ATP8A2: variants seen among roughly 807,000 people sequenced by gnomAD.
ATP8A2 encodes the protein ATPase phospholipid transporting 8A2.
A neutral mutation model predicts 165.6 loss-of-function variants in ATP8A2; 100 were observed. The ratio of observed to expected loss-of-function variants is 0.60; its 90% confidence interval spans 0.51 to 0.71. The LOEUF is 0.71. ATP8A2 is among the 30% of genes least tolerant of loss of function. The pLI is 0.00. For synonymous variants in ATP8A2, 543 were observed against 548.8 expected, an observed-to-expected ratio of 0.99 and a Z score of 0.15; for missense variants, 1,227 against 1,479.5, an observed-to-expected ratio of 0.83 and a Z score of 2.80.
chr13:25,471,000 G>GT (rs2035827756), intron 2 of ATP8A2, among the ~76,000 whole-genome samples: 1 of 152,146 alleles, frequency 6.6e-6, no homozygotes, highest in African/African-American at 2.4e-5. Flanking sequence ...GACTGTGAAT[G>GT]TGGATGGGGT....
chr13:25,583,976 T>A (rs1435752161), intron 23 of ATP8A2, among the ~76,000 whole-genome samples: 1 of 152,204 alleles, frequency 6.6e-6, no homozygotes. Context: ...TTTGTCAAAG[T>A]CTTATGTTTA....
intron 1 of ATP8A2, among the ~76,000 whole-genome samples, chr13:25,376,468 G>A (rs189451500): frequency 7.0e-4 from 107 of 152,198 alleles, no homozygotes; most frequent in African/African-American, 2.5e-3. Context: ...CAGAATTTAG[G>A]GTTAAAGAGA....
intron 32 of ATP8A2, 75 bp downstream of exon 32, chr13:25,860,935 G>A (rs2138758383): frequency 9.3e-7 from 1 of 1,070,166 alleles, no homozygotes; most frequent in Non-Finnish European, 1.4e-6. Context: ...TAAGCCTTGG[G>A]GAAACCATAA....
At chr13:25,877,903 A>C (rs1952860955) in intron 33 of ATP8A2, among the ~76,000 whole-genome samples, 1 of 152,208 alleles carries the variant, frequency 6.6e-6, no homozygotes, top group South Asian at 2.1e-4. Context: ...ATTTCCAGCG[A>C]CTTCCTAACA....
chr13:25,468,564 G>C (rs1002806938), intron 1 of ATP8A2, among the ~76,000 whole-genome samples: 1 of 152,216 alleles, frequency 6.6e-6, no homozygotes, highest in African/African-American at 2.4e-5. Flanking sequence ...CCCGGGACTA[G>C]AGGGTACGCT....
Position 25,837,326 on chromosome 13 carries a change from C to T in ATP8A2, c.2877+41C>T, listed in dbSNP as rs200022498. On this transcript the variant is annotated intron_variant, in intron 29 of 36. Coordinates refer to ENST00000381655, the MANE Select transcript of ATP8A2 (RefSeq NM_016529.6). ...TCTCAGAACTGTCACCTCAGAAAGG[C>T]GTGGCTGTTTGATTCTAGTCATCTG... The T allele has an allele frequency of 1.1e-5, 18 of 1,605,580 alleles. No homozygotes were observed. The East Asian group carries it at 3.4e-4, about 30-fold the overall frequency.
chr13:25,960,494 C>T (rs920027577), intron 33 of ATP8A2, among the ~76,000 whole-genome samples: 4 of 152,088 alleles, frequency 2.6e-5, no homozygotes, highest in South Asian at 4.1e-4. Flanking sequence ...AACTTCTATT[C>T]CAGTAGGACC....
intron 33 of ATP8A2, chr13:25,927,293 C>T (rs779508070): frequency 4.9e-5 from 22 of 448,626 alleles, no homozygotes; most frequent in Non-Finnish European, 8.6e-5. Flanking sequence ...GAACAAAAGT[C>T]CATGGCTTCT....
At chr13:25,854,900 A>G (rs1425923389) in intron 30 of ATP8A2, among the ~76,000 whole-genome samples, 3 of 152,176 alleles carry the variant, frequency 2.0e-5, no homozygotes, top group Admixed American at 6.5e-5. Flanking sequence ...TACAGCCATC[A>G]TCACAATACA....
At position 25,665,549 on chromosome 13, in the gene ATP8A2, A is replaced by T. The variant is rs368716389; in HGVS notation, c.2212-33624A>T. On this transcript the variant is annotated intron_variant, in intron 24 of 36. Transcript: ENST00000381655. ...ACATGACTTTCTTTCTGGTCTGCTT[A>T]GCAATATGTGTGAAATGTGGCCAAG... Among the ~76,000 whole-genome samples the T allele has an allele frequency of 5.2e-5, 7 of 135,782 alleles. No individual in the cohort carries two copies. The South Asian group carries it at 8.9e-4, about 17-fold the overall frequency. The allele number at this position is 135,782 out of a possible 152,430, so 89.1% of individuals were successfully genotyped here.
Position 25,874,462 on chromosome 13 carries a change from T to A in ATP8A2, c.3183+12054T>A, listed in dbSNP as rs367667156. On this transcript the variant is annotated intron_variant, in intron 33 of 36. Coordinates refer to ENST00000381655, the MANE Select transcript of ATP8A2 (RefSeq NM_016529.6). ...CACAGTTTACCTTTCGCTTGTTGTA[T>A]AATACTCACCACAACTAAAACTCTA... Among the ~76,000 whole-genome samples the A allele has an allele frequency of 1.2e-4, 19 of 152,344 alleles. 1 individual carries two copies. The South Asian group carries it at 3.5e-3, about 28-fold the overall frequency.
At chr13:25,861,998 A>T (rs1166123810) in intron 32 of ATP8A2, among the ~76,000 whole-genome samples, 5 of 152,224 alleles carry the variant, frequency 3.3e-5, no homozygotes, top group Non-Finnish European at 7.3e-5. Flanking sequence ...TGGAGCAAAC[A>T]CTTGCTATGA....
chr13:25,551,220 C>CA lies in ATP8A2; in HGVS notation c.892-111dup, dbSNP rs879539979. 7.8e-5 allele frequency: 77 copies of CA among 993,168 alleles called. No individual in the cohort carries two copies. The African/African-American group carries it at 8.1e-4, about 10-fold the overall frequency. 61.5% of individuals were successfully genotyped at this position (993,168 alleles called of 1,614,324 possible). A position where few individuals can be genotyped will look rare whatever the true frequency, so the allele number is the denominator to read the frequency against. Reference sequence around the variant, plus strand: ...CTTTTGAATTGCATTGATTATTTGGCAAAAAAATAGTCTTTTACTTGTTGG... The same window carrying CA: ...CTTTTGAATTGCATTGATTATTTGGCAAAAAAAATAGTCTTTTACTTGTTGG... On this transcript the variant is annotated intron_variant, in intron 10 of 36. Transcript: ENST00000381655.
intron 2 of ATP8A2, among the ~76,000 whole-genome samples, chr13:25,496,053 G>A (rs1466524476): frequency 1.3e-5 from 2 of 152,084 alleles, no homozygotes; most frequent in Admixed American, 6.6e-5. Flanking sequence ...TGAAACACCC[G>A]AGGGTAACCT....
In ATP8A2 at chr13:25,737,919, C is replaced by G. The variant is rs139012953; in HGVS notation, c.2385-31127C>G. ...CAGGATGGTCTCGATCTCCTGACCT[C>G]GTGATCCGCCCCTCTCGGCCTCCCA... On this transcript the variant is annotated intron_variant, in intron 25 of 36. Transcript: ENST00000381655. Among the ~76,000 whole-genome samples the G allele has an allele frequency of 3.3e-5, 5 of 152,212 alleles. No individual in the cohort carries two copies. In the East Asian group the frequency reaches 9.7e-4, roughly 29 times the overall value.
intron 24 of ATP8A2, among the ~76,000 whole-genome samples, chr13:25,633,975 CAAAA>C (rs199748845): frequency 1.5e-5 from 2 of 133,724 alleles, no homozygotes; most frequent in Non-Finnish European, 3.3e-5. Context: ...GACCCTGTCT[CAAAA>C]AAAAAAAAAA....
chr13:25,866,385 C>T (rs1259325824), intron 33 of ATP8A2, among the ~76,000 whole-genome samples: 1 of 152,166 alleles, frequency 6.6e-6, no homozygotes, highest in Non-Finnish European at 1.5e-5. Context: ...AACATGGATG[C>T]TCTTCTTTTT....
At chr13:25,474,805 A>T (rs61947631) in intron 2 of ATP8A2, among the ~76,000 whole-genome samples, 5,825 of 151,980 alleles carry the variant, frequency 0.038, 146 homozygotes, top group Non-Finnish European at 0.051. Flanking sequence ...CATCACCCAG[A>T]TACTAAGCCT....
chr13:25,524,161 G>C (rs2137863436), intron 2 of ATP8A2, among the ~76,000 whole-genome samples: 2 of 151,964 alleles, frequency 1.3e-5, no homozygotes, highest in South Asian at 4.2e-4. Flanking sequence ...ATGGGTTTGT[G>C]TAGTTTCCAG....
Sources: allele counts gnomAD v4.1 joint callset (sites outside exome capture counted in the v4.1 genomes callset), GRCh38; gene constraint gnomAD v4.1.1; transcripts MANE v1.5; gene names NCBI Gene and HGNC (gene_info 2026-07-23, HGNC 2026-07-21).